UNC79: variants seen among roughly 807,000 people sequenced by gnomAD.
The protein encoded by UNC79 is unc-79 subunit of NALCN channel complex.
Under a neutral mutation model 283.1 loss-of-function variants are expected in UNC79, and 37 were observed. The observed-to-expected ratio is 0.13, with a 90% CI of 0.10 to 0.17. The LOEUF is 0.17. Ranked by LOEUF, UNC79 falls within the 10% of genes least tolerant of loss-of-function variation. The pLI is 1.00. For missense variants in UNC79, 2,272 were observed against 3,211.1 expected, an observed-to-expected ratio of 0.71 and a Z score of 7.07; for synonymous variants, 1,107 against 1,200.2, an observed-to-expected ratio of 0.92 and a Z score of 1.61.
At chr14:93,658,881 T>TCCAC (rs1566875254) in intron 38 of UNC79, among the ~76,000 whole-genome samples, 1 of 152,128 alleles carries the variant, frequency 6.6e-6, no homozygotes, top group Non-Finnish European at 1.5e-5. Flanking sequence ...CATCCATCCA[T>TCCAC]CCACCCATCC....
intron 34 of UNC79, among the ~76,000 whole-genome samples, chr14:93,645,912 C>T (rs2069548497): frequency 6.6e-6 from 1 of 152,092 alleles, no homozygotes. Flanking sequence ...CACTCTTACA[C>T]CTGTAGTCCT....
chr14:93,603,742 G>A lies in UNC79; in HGVS notation c.3754+324G>A, dbSNP rs569914337. On this transcript the variant is annotated intron_variant, in intron 26 of 48. Transcript: ENST00000555664. ...TAGGACACCAAAGTTTGCACCACCA[G>A]CCTTGTATCCTAAGAGCTTTCTGAA... Among the ~76,000 whole-genome samples, 264 of 152,280 alleles carry A rather than the reference G, an allele frequency of 1.7e-3. 3 individuals carry two copies. Among genetic ancestry groups the A allele is most frequent in the African/African-American group, 6.1e-3 (252 of 41,568 alleles).
rs779777932 is a variant in UNC79, at chr14:93,487,772, A to G, written c.712+17A>G. ...CCAATCCAGGTAAGTGGAAATTGGA[A>G]TGGTTTGACTAATTCTAGTACCAAT... On this transcript the variant is annotated intron_variant, in intron 5 of 48. Coordinates refer to ENST00000555664, the Ensembl canonical transcript of UNC79. The G allele has an allele frequency of 3.1e-6, 5 of 1,606,504 alleles. No individual in the cohort carries two copies. Among genetic ancestry groups the G allele is most frequent in the Non-Finnish European group, 4.3e-6 (5 of 1,174,978 alleles).
rs548209421 is a variant in UNC79 at position 93,383,835 on chromosome 14, T to G, written c.-351+50312T>G. Among the ~76,000 whole-genome samples the G allele has an allele frequency of 2.7e-3, 406 of 152,260 alleles. 1 individual carries two copies. Among genetic ancestry groups the G allele is most frequent in the African/African-American group, 9.2e-3 (384 of 41,550 alleles). ...TGATTGAATTACGGGGCTGGGTCCT[T>G]CCTGTGCTGTTCTCATGATAGTGAA... On this transcript the variant is annotated intron_variant, in intron 1 of 49. Transcript: ENST00000256339.
intron 3 of UNC79, among the ~76,000 whole-genome samples, chr14:93,476,346 G>T (rs1317646738): frequency 1.3e-5 from 2 of 152,046 alleles, no homozygotes; most frequent in East Asian, 3.9e-4. Context: ...ACTCCAGTTG[G>T]GCTCCTTTCA....
intron 7 of UNC79, among the ~76,000 whole-genome samples, chr14:93,514,483 T>C (rs1199490259): frequency 6.6e-6 from 1 of 152,160 alleles, no homozygotes; most frequent in Non-Finnish European, 1.5e-5. Flanking sequence ...ACCTCCAAAA[T>C]CTCTGTTCTG....
Position 93,617,059 on chromosome 14 carries a change from C to T in UNC79, c.4042-63C>T, listed in dbSNP as rs2066785745. On this transcript the variant is annotated intron_variant, in intron 27 of 48. Transcript: ENST00000555664. This position sits in a 1 kb window ranked among gnomAD's most constrained non-coding sequence, Gnocchi z 4.5. ...AACCACTGGGATGGCTCAAATTTTT[C>T]CTTTTGACCTCTGAGTGTTCTTTGT... The T allele has an allele frequency of 2.7e-6, 4 of 1,457,746 alleles. No individual in the cohort carries two copies. The South Asian group carries it at 4.4e-5, about 16-fold the overall frequency. The allele number at this position is 1,457,746 out of a possible 1,614,324, so 90.3% of individuals were successfully genotyped here.
chr14:93,525,930 A>C (rs2060525018), intron 8 of UNC79, among the ~76,000 whole-genome samples: 2 of 152,286 alleles, frequency 1.3e-5, no homozygotes, highest in South Asian at 4.1e-4. Flanking sequence ...AGTTGGCCTC[A>C]CTTTTCTTCC....
chr14:93,669,538 A>G lies in UNC79; in HGVS notation c.6637-3813A>G, dbSNP rs187781487. ...CATTTTTGGCTTTACATTTTGGTGT[A>G]AAGACACCCCCATAGTAACTTTCCT... On this transcript the variant is annotated intron_variant, in intron 40 of 48. Transcript: ENST00000555664. 2.7e-3 allele frequency among the ~76,000 whole-genome samples: 418 copies of G among 152,286 alleles called. 2 individuals are homozygous for G. Among genetic ancestry groups the G allele is most frequent in the Admixed American group, 5.2e-3 (79 of 15,296 alleles).
At chr14:93,582,311 C>G (rs1448697750) in exon 20 of UNC79, 1 of 1,614,098 alleles carries the variant, frequency 6.2e-7, no homozygotes, top group Non-Finnish European at 8.5e-7. Context: ...TGGGGAGAAC[C>G]CAGGCAACTG....
At chr14:93,461,589 C>T (rs952559630) in intron 1 of UNC79, among the ~76,000 whole-genome samples, 7 of 152,098 alleles carry the variant, frequency 4.6e-5, no homozygotes, top group Non-Finnish European at 1.0e-4. Context: ...AAAAGCCATT[C>T]TTTCCCTTCC....
intron 46 of UNC79, 151 bp from the exon 50 acceptor site, chr14:93,694,184 G>A: frequency 1.7e-6 from 1 of 588,904 alleles, no homozygotes; most frequent in Non-Finnish European, 3.0e-6. Context: ...ACGTTTCAGA[G>A]GTGAATGAAC....
chr14:93,653,716 G>A (rs999771295), intron 35 of UNC79, 26 bp from the exon 39 acceptor site: 1 of 1,597,990 alleles, frequency 6.3e-7, no homozygotes, highest in African/African-American at 1.3e-5. Context: ...ATGACTTCGT[G>A]TCTTTTCTCC....
chr14:93,595,692 G>A (rs758832019), intron 23 of UNC79, among the ~76,000 whole-genome samples: 2 of 152,022 alleles, frequency 1.3e-5, no homozygotes, highest in African/African-American at 2.4e-5. Context: ...CACCTTCTAG[G>A]TCCCCCCTGT....
At position 93,357,146 on chromosome 14, in the gene UNC79, T is replaced by C. The variant is rs543258715; in HGVS notation, c.-351+23623T>C. ...TCTGCATTAATTCACTTAGGACGTG[T>C]GTTAATTCACATAGGACGATGGCCT... On this transcript the variant is annotated intron_variant, in intron 1 of 49. Transcript: ENST00000256339. 1.1e-3 allele frequency among the ~76,000 whole-genome samples: 161 copies of C among 152,324 alleles called. 1 individual carries two copies. Among genetic ancestry groups the C allele is most frequent in the African/African-American group, 3.7e-3 (152 of 41,562 alleles).
At chr14:93,643,561 C>T in exon 34 of UNC79, 2 of 1,613,886 alleles carry the variant, frequency 1.2e-6, no homozygotes, top group Non-Finnish European at 1.7e-6. Flanking sequence ...TTGCAGATGC[C>T]ATGACTGTGG....
chr14:93,517,273 C>T (rs1338692803), intron 7 of UNC79, among the ~76,000 whole-genome samples: 1 of 143,998 alleles, frequency 6.9e-6, no homozygotes, highest in South Asian at 2.2e-4. Context: ...TTTTCCTTTT[C>T]TCTCTCTCTT....
At chr14:93,499,649 G>T (rs1472608534) in intron 7 of UNC79, among the ~76,000 whole-genome samples, 1 of 152,116 alleles carries the variant, frequency 6.6e-6, no homozygotes, top group Non-Finnish European at 1.5e-5. Flanking sequence ...CTATCTTGGA[G>T]CTTACATTCT....
chr14:93,530,172 G>A (rs943463490), intron 10 of UNC79, among the ~76,000 whole-genome samples: 3 of 152,150 alleles, frequency 2.0e-5, no homozygotes, highest in African/African-American at 7.2e-5. Context: ...GCACCTGCCT[G>A]TAATCCCAGC....
Sources: allele counts gnomAD v4.1 joint callset (sites outside exome capture counted in the v4.1 genomes callset), GRCh38; gene constraint gnomAD v4.1.1; non-coding constraint Gnocchi (gnomAD v3.1); transcripts MANE v1.5; gene names NCBI Gene and HGNC (gene_info 2026-07-23, HGNC 2026-07-21).